Variants in PDP1 observed in about 807,000 individuals in gnomAD.
PDP1 encodes the protein pyruvate dehydrogenase phosphatase catalytic subunit 1, also known as pyruvate dehyrogenase phosphatase catalytic subunit 1.
PDP1 carries 14 observed loss-of-function variants against 37.1 expected under a neutral mutation model. That is an observed-to-expected ratio of 0.38 (90% CI 0.25 to 0.59). PDP1 has a LOEUF of 0.59. Ranked by LOEUF, PDP1 falls within the 20% of genes least tolerant of loss-of-function variation. The pLI is 0.67. For missense variants in PDP1, 544 were observed against 655.3 expected (o/e 0.83, Z 1.85); for synonymous variants, 251 against 243.3 (o/e 1.03, Z -0.29).
At chr8:93,921,810 T>C (rs1417261063) in intron 1 of PDP1, 1 of 510,394 alleles carries the variant, frequency 2.0e-6, no homozygotes. Context: ...AGTTCAGTCG[T>C]GGTTCCACGA....
chr8:93,925,565 G>T lies in PDP1; in HGVS notation c.*1892G>T, dbSNP rs1810409630. ...CTATAGTACAGGGAATATAAAATTG[G>T]TTTCCTGTGGTCATGATCAAGATAG... On this transcript the variant is annotated 3_prime_UTR_variant, in exon 2 of 2. Transcript: ENST00000297598. The T allele has an allele frequency of 1.2e-5, 2 of 166,730 alleles. No individual in the cohort carries two copies. The highest frequency in any genetic ancestry group is 4.1e-4 in the South Asian group (2 of 4,824). The allele number at this position is 166,730 out of a possible 1,614,324, so 10.3% of individuals were successfully genotyped here.
rs756885157 is a variant in PDP1 at position 93,916,936 on chromosome 8, G to C, written c.-188G>C. The C allele has an allele frequency of 2.1e-5, 8 of 389,638 alleles. No individual in the cohort carries two copies. The highest frequency in any genetic ancestry group is 8.8e-5 in the African/African-American group (4 of 45,382). 24.1% of individuals were successfully genotyped at this position (389,638 alleles called of 1,614,324 possible). A position where few individuals can be genotyped will look rare whatever the true frequency, so the allele number is the denominator to read the frequency against. On this transcript the variant is annotated 5_prime_UTR_variant, in exon 1 of 2. Transcript: ENST00000297598. Reference sequence around the variant, plus strand: ...GCGGGGCAGGGTGGCGGCCCCGCACGGTAGGGGAGCAGAGTGGGCAGGCCG... The same window carrying C: ...GCGGGGCAGGGTGGCGGCCCCGCACCGTAGGGGAGCAGAGTGGGCAGGCCG...
intron 1 of PDP1, chr8:93,921,422 T>C (rs576737057): frequency 7.5e-6 from 5 of 668,438 alleles, no homozygotes; most frequent in South Asian, 1.4e-4. Context: ...AATTTTTCTA[T>C]ATATGTTACA....
At position 93,922,888 on chromosome 8, in the gene PDP1, G is replaced by T; in HGVS notation, c.829G>T (p.Ala277Ser). 1 of 1,614,208 alleles carries T rather than the reference G, an allele frequency of 6.2e-7. No homozygotes were observed. The highest frequency in any genetic ancestry group is 8.5e-7 in the Non-Finnish European group (1 of 1,180,042). The change falls in exon 2 of 2, where the codon GCC (alanine) becomes TCC (serine). Residue 277 changes from alanine to serine, a missense_variant. Ala to Ser is a moderately conservative substitution (Grantham distance 99). This residue lies in a region of PDP1 where 342 missense variants were observed against 414.0 expected (regional missense o/e 0.83). Coordinates refer to ENST00000297598, the MANE Select transcript of PDP1 (RefSeq NM_018444.4). The surrounding 1 kb of genome is among the most constrained non-coding windows in gnomAD (Gnocchi z 4.0). ...VAFSGATACV[A>S]HVDGVDLHVA... Reference sequence around the variant, plus strand: ...ATTTTCTGGAGCCACTGCTTGTGTGGCCCATGTGGATGGTGTTGACCTTCA... The same window carrying T: ...ATTTTCTGGAGCCACTGCTTGTGTGTCCCATGTGGATGGTGTTGACCTTCA...
chr8:93,919,007 A>G (rs776598306), intron 1 of PDP1: 17 of 202,314 alleles, frequency 8.4e-5, no homozygotes, highest in Non-Finnish European at 1.5e-4. Context: ...GCATTAGGAT[A>G]TAATCTCAGT....
rs1810314269 is a variant in PDP1 at position 93,922,601 on chromosome 8, A to G, written c.542A>G (p.Glu181Gly). 3 of 1,613,988 alleles carry G rather than the reference A, an allele frequency of 1.9e-6. No homozygotes were observed. The highest frequency in any genetic ancestry group is 2.5e-6 in the Non-Finnish European group (3 of 1,180,008). The change falls in exon 2 of 2, where the codon GAG becomes GGG. Residue 181 changes from glutamate (E) to glycine (G), a missense_variant. Around this residue, in one of 5 missense-constraint regions of PDP1, gnomAD observed 342 missense variants for 414.0 expected, o/e 0.83. Transcript: ENST00000297598. The surrounding 1 kb of genome is among the most constrained non-coding windows in gnomAD (Gnocchi z 4.0). ...ETLLEIENAVESGRALLPILQ... is the reference protein window; with the variant it reads ...ETLLEIENAVGSGRALLPILQ... ...TTGCTAGAGATTGAAAATGCAGTGG[A>G]GAGCGGCCGGGCACTGCTACCCATT...
At position 93,921,973 on chromosome 8, in the gene PDP1, G is replaced by A. The variant is rs759570537; in HGVS notation, c.-44-43G>A. Reference sequence around the variant, plus strand: ...AAAGCTAGATTAAGTATCCTGAAATGTAACTCTTTCCTTTGTGTACATCTG... The same window carrying A: ...AAAGCTAGATTAAGTATCCTGAAATATAACTCTTTCCTTTGTGTACATCTG... On this transcript the variant is annotated intron_variant, in intron 1 of 1. Coordinates refer to ENST00000297598, the MANE Select transcript of PDP1 (RefSeq NM_018444.4). 49 of 1,342,948 alleles carry A rather than the reference G, an allele frequency of 3.6e-5. 1 individual carries two copies. The South Asian group carries it at 6.5e-4, about 18-fold the overall frequency. The allele number at this position is 1,342,948 out of a possible 1,614,324, so 83.2% of individuals were successfully genotyped here.
At chr8:93,918,038 T>C (rs1810140573) in intron 1 of PDP1, 6 of 1,402,766 alleles carry the variant, frequency 4.3e-6, no homozygotes, top group East Asian at 4.7e-5. Flanking sequence ...CAGCGTGGTA[T>C]TAAGGGATGA....
At position 93,922,607 on chromosome 8, in the gene PDP1, G is replaced by A. The variant is rs965302966; in HGVS notation, c.548G>A (p.Gly183Asp). The A allele has an allele frequency of 4.3e-6, 7 of 1,613,970 alleles. No individual in the cohort carries two copies. The highest frequency in any genetic ancestry group is 1.1e-5 in the South Asian group (1 of 91,078). Reference sequence around the variant, plus strand: ...GAGATTGAAAATGCAGTGGAGAGCGGCCGGGCACTGCTACCCATTCTCCAG... The same window carrying A: ...GAGATTGAAAATGCAGTGGAGAGCGACCGGGCACTGCTACCCATTCTCCAG... ...LLEIENAVES[G>D]RALLPILQWH... Residue 183 changes from glycine (G) to aspartate (D), a missense_variant, in exon 2 of 2, where the codon GGC becomes GAC. This residue lies in a region of PDP1 where 342 missense variants were observed against 414.0 expected (regional missense o/e 0.83). Coordinates refer to ENST00000297598, the MANE Select transcript of PDP1 (RefSeq NM_018444.4). This position sits in a 1 kb window ranked among gnomAD's most constrained non-coding sequence, Gnocchi z 4.0.
chr8:93,923,801 T>C lies in PDP1; in HGVS notation c.*128T>C. On this transcript the variant is annotated 3_prime_UTR_variant, in exon 2 of 2. Transcript: ENST00000297598. The surrounding 1 kb of genome is among the most constrained non-coding windows in gnomAD (Gnocchi z 4.3). Reference sequence around the variant, plus strand: ...GCATTTACCCTTTTGATACTCTAGCTAGTCAGGTACTCCAAATTGACTTTG... The same window carrying C: ...GCATTTACCCTTTTGATACTCTAGCCAGTCAGGTACTCCAAATTGACTTTG... 1.2e-6 allele frequency: 1 copy of C among 828,554 alleles called. No homozygotes were observed. The highest frequency in any genetic ancestry group is 2.0e-5 in the Admixed American group (1 of 51,258). The allele number at this position is 828,554 out of a possible 1,614,324, so 51.3% of individuals were successfully genotyped here.
chr8:93,925,239 A>G lies in PDP1; in HGVS notation c.*1566A>G, dbSNP rs1316016894. The stretch of plus-strand genomic sequence containing the variant: ...ACTATTGGCTGCAGAATTTGTTTCA[A>G]TTGAAAATAGACTCAGGAAGATTGC... On this transcript the variant is annotated 3_prime_UTR_variant, in exon 2 of 2. Coordinates refer to ENST00000297598, the MANE Select transcript of PDP1 (RefSeq NM_018444.4). The G allele has an allele frequency of 6.0e-6, 1 of 166,876 alleles. No homozygotes were observed. Among genetic ancestry groups the G allele is most frequent in the African/African-American group, 2.4e-5 (1 of 41,426 alleles). The allele number at this position is 166,876 out of a possible 1,614,324, so 10.3% of individuals were successfully genotyped here.
intron 1 of PDP1, chr8:93,917,939 C>A: frequency 6.2e-7 from 1 of 1,613,852 alleles, no homozygotes; most frequent in Non-Finnish European, 8.5e-7. Flanking sequence ...CGGGCCCAGA[C>A]GAATTGGTAG....
chr8:93,920,916 G>A (rs926347956), intron 1 of PDP1: 3 of 977,028 alleles, frequency 3.1e-6, no homozygotes, highest in African/African-American at 3.5e-5. Flanking sequence ...TTTTCTAGGG[G>A]TTAATTCTAC....
chr8:93,923,276 T>A lies in PDP1; in HGVS notation c.1217T>A (p.Leu406Ter), dbSNP rs1162626364. 1 of 1,614,158 alleles carries A rather than the reference T, an allele frequency of 6.2e-7. No homozygotes were observed. Among genetic ancestry groups the A allele is most frequent in the Admixed American group, 1.7e-5 (1 of 60,026 alleles). ...TAEPEVTYHR[L>*]RPQDKFLVLA... ...GAGCCAGAGGTAACTTACCACCGAT[T>A]AAGGCCACAGGATAAGTTTCTGGTG... The change falls in exon 2 of 2, where the codon TTA (leucine) becomes TAA (stop). Residue 406 changes from leucine (L) to a stop codon, truncating the protein, a stop_gained. Transcript: ENST00000297598. LOFTEE classifies it high-confidence loss of function. This position sits in a 1 kb window ranked among gnomAD's most constrained non-coding sequence, Gnocchi z 4.3.
Position 93,923,428 on chromosome 8 carries a change from C to A in PDP1, c.1369C>A (p.Gln457Lys). ...AVGGYKVTLG[Q>K]MHGLLTERRT... Reference sequence around the variant, plus strand: ...TGGTGGCTACAAGGTGACTCTGGGACAGATGCATGGCCTTTTAACAGAAAG... The same window carrying A: ...TGGTGGCTACAAGGTGACTCTGGGAAAGATGCATGGCCTTTTAACAGAAAG... Residue 457 changes from glutamine (Q) to lysine (K), a missense_variant, in exon 2 of 2, where the codon CAG becomes AAG. Transcript: ENST00000297598. The surrounding 1 kb of genome is among the most constrained non-coding windows in gnomAD (Gnocchi z 4.3). 3 of 1,601,122 alleles carry A rather than the reference C, an allele frequency of 1.9e-6. No homozygotes were observed. Among genetic ancestry groups the A allele is most frequent in the Non-Finnish European group, 2.6e-6 (3 of 1,172,072 alleles).
intron 1 of PDP1, 123 bp downstream of exon 1, chr8:93,917,202 G>A (rs1401378944): frequency 6.0e-5 from 14 of 231,514 alleles, no homozygotes; most frequent in South Asian, 4.8e-4. Flanking sequence ...AGGGCTGGAC[G>A]AGCCCTGGAG....
Position 93,922,036 on chromosome 8 carries a change from A to G in PDP1, c.-24A>G. On this transcript the variant is annotated 5_prime_UTR_variant, in exon 2 of 2. Transcript: ENST00000297598. This position sits in a 1 kb window ranked among gnomAD's most constrained non-coding sequence, Gnocchi z 4.0. Reference sequence around the variant, plus strand: ...TCTAGGAATCCCAGTCAGAAGTTCCAGCCTGCCACTGTTCTCTGATGCCAT... The same window carrying G: ...TCTAGGAATCCCAGTCAGAAGTTCCGGCCTGCCACTGTTCTCTGATGCCAT... The G allele has an allele frequency of 6.3e-7, 1 of 1,594,648 alleles. No individual in the cohort carries two copies. The highest frequency in any genetic ancestry group is 8.6e-7 in the Non-Finnish European group (1 of 1,166,860).
rs751365113 is a variant in PDP1, at chr8:93,923,003, A to G, written c.944A>G (p.Asn315Ser). 2.3e-5 allele frequency: 37 copies of G among 1,614,090 alleles called. No individual in the cohort carries two copies. Among genetic ancestry groups the G allele is most frequent in the South Asian group, 3.3e-5 (3 of 91,092 alleles). ...WSAVTLSNDH[N>S]AQNERELERL... ...GCAGTCACGCTGTCTAATGACCACA[A>G]TGCTCAAAATGAAAGAGAACTAGAA... The change falls in exon 2 of 2, where the codon AAT becomes AGT. Residue 315 changes from asparagine to serine, a missense_variant. Physicochemically the swap from Asn to Ser is conservative, Grantham distance 46 (BLOSUM62 1). Transcript: ENST00000297598. The surrounding 1 kb of genome is among the most constrained non-coding windows in gnomAD (Gnocchi z 4.3).
chr8:93,917,674 G>A (rs544056695), intron 1 of PDP1: 1 of 803,024 alleles, frequency 1.2e-6, no homozygotes, highest in Admixed American at 2.7e-5. Flanking sequence ...GGGGTGGGTT[G>A]GTTTGGTTGG....
Sources: gnomAD v4.1 joint callset for allele counts on GRCh38, gnomAD v4.1.1 for gene constraint, gnomAD v4.1.1 regional missense constraint, Gnocchi (gnomAD v3.1) non-coding constraint, MANE v1.5 for transcripts, NCBI Gene and HGNC (gene_info 2026-07-23, HGNC 2026-07-21) for gene names.